The following ANXA8 variants were observed in gnomAD, a reference collection of about 807,000 sequenced individuals.
The protein encoded by ANXA8 is VAC-beta.
Under a neutral mutation model 26.8 loss-of-function variants are expected in ANXA8, and 9 were observed. The ratio of observed to expected loss-of-function variants is 0.34; its 90% confidence interval spans 0.20 to 0.59. The LOEUF (loss-of-function observed/expected upper bound fraction) is 0.59, where lower values mean the gene tolerates loss of function less well. Ranked by LOEUF, ANXA8 falls within the 20% of genes least tolerant of loss-of-function variation. The pLI, the probability that ANXA8 is intolerant of heterozygous loss-of-function variation, is 0.84. For synonymous variants in ANXA8, 39 were observed against 94.8 expected, an observed-to-expected ratio of 0.41 and a Z score of 3.42; for missense variants, 83 against 238.5, an observed-to-expected ratio of 0.35 and a Z score of 4.29.
the ANXA8 span, among the ~76,000 whole-genome samples, chr10:47,703,588 A>G: frequency 5.9e-5 from 9 of 151,336 alleles, no homozygotes; most frequent in Admixed American, 4.0e-4. Context: ...AAAAAATACA[A>G]AACACAAAAA....
the ANXA8 span, among the ~76,000 whole-genome samples, chr10:47,645,044 ATCTG>A: frequency 6.6e-6 from 1 of 151,810 alleles, no homozygotes; most frequent in African/African-American, 2.4e-5. Flanking sequence ...GGATCCTGAT[ATCTG>A]TCTTTCTTAA....
chr10:47,779,061 C>A, the ANXA8 span, among the ~76,000 whole-genome samples: 1 of 150,572 alleles, frequency 6.6e-6, no homozygotes, highest in African/African-American at 2.5e-5. Context: ...ATCAAGCTAT[C>A]AAATATGGAG....
At chr10:47,941,523 C>T in the ANXA8 span, among the ~76,000 whole-genome samples, 1 of 146,916 alleles carries the variant, frequency 6.8e-6, no homozygotes, top group Non-Finnish European at 1.5e-5. Context: ...GGCGTGGTGG[C>T]ATGTGCCTCG....
At chr10:47,551,343 T>C in the ANXA8 span, among the ~76,000 whole-genome samples, 1 of 150,850 alleles carries the variant, frequency 6.6e-6, no homozygotes, top group South Asian at 2.1e-4. Context: ...TTTAGTTGAA[T>C]AACGTTTAAA....
chr10:47,487,617 T>C (rs1840070658), upstream of ANXA8, among the ~76,000 whole-genome samples: 1 of 137,466 alleles, frequency 7.3e-6, no homozygotes, highest in Non-Finnish European at 1.6e-5. Flanking sequence ...AGACTGAGCA[T>C]CTACTCATGG....
chr10:47,672,899 C>T, the ANXA8 span, among the ~76,000 whole-genome samples: 2 of 151,438 alleles, frequency 1.3e-5, no homozygotes, highest in East Asian at 3.9e-4. Flanking sequence ...TTTCTAAAAA[C>T]CCATCGAAGA....
the ANXA8 span, among the ~76,000 whole-genome samples, chr10:47,660,742 A>G: frequency 7.2e-6 from 1 of 137,966 alleles, no homozygotes; most frequent in Non-Finnish European, 1.5e-5. Flanking sequence ...ACAGAAATTG[A>G]TGGGCTTGTT....
chr10:47,486,126 A>G (rs1462156393), upstream of ANXA8, among the ~76,000 whole-genome samples: 1 of 148,226 alleles, frequency 6.7e-6, no homozygotes, highest in Non-Finnish European at 1.5e-5. Flanking sequence ...AAAAAAATCA[A>G]CAGCAGCTTC....
the ANXA8 span, chr10:47,690,852 T>A: frequency 1.2e-6 from 2 of 1,611,382 alleles, no homozygotes; most frequent in African/African-American, 2.7e-5. Flanking sequence ...GCTGTACCTC[T>A]GAAGATAAAG....
At chr10:47,579,535 C>T in the ANXA8 span, among the ~76,000 whole-genome samples, 1 of 58,926 alleles carries the variant, frequency 1.7e-5, no homozygotes, top group African/African-American at 4.9e-5. Flanking sequence ...CACCTCCAGG[C>T]GGGAGCCACC....
At chr10:47,991,411 A>C in the ANXA8 span, among the ~76,000 whole-genome samples, 1 of 49,606 alleles carries the variant, frequency 2.0e-5, no homozygotes, top group Non-Finnish European at 4.0e-5. Context: ...CCTCCCCTGG[A>C]CTTTTCTCAA....
the ANXA8 span, among the ~76,000 whole-genome samples, chr10:47,755,483 C>T: frequency 6.6e-6 from 1 of 151,088 alleles, no homozygotes; most frequent in African/African-American, 2.4e-5. Flanking sequence ...TCTCGATCTC[C>T]TGACCTCGTG....
chr10:47,589,798 G>A, the ANXA8 span, among the ~76,000 whole-genome samples: 1 of 145,264 alleles, frequency 6.9e-6, no homozygotes, highest in Middle Eastern at 3.4e-3. Context: ...TTTTCAGATT[G>A]CAGGATCCTG....
chr10:47,614,586 T>C, the ANXA8 span, among the ~76,000 whole-genome samples: 4 of 65,266 alleles, frequency 6.1e-5, 2 homozygotes, highest in Non-Finnish European at 1.5e-4. Context: ...AGTTTGTGTA[T>C]GTTTCTTTCT....
chr10:47,501,324 G>GGT, the ANXA8 span, among the ~76,000 whole-genome samples: 1 of 143,992 alleles, frequency 6.9e-6, no homozygotes, highest in South Asian at 2.2e-4. Flanking sequence ...TAGGATTACA[G>GGT]GTGTGAGCCA....
the ANXA8 span, among the ~76,000 whole-genome samples, chr10:47,507,747 TTTACAAAAATA>T: frequency 8.4e-6 from 1 of 118,658 alleles, no homozygotes; most frequent in Non-Finnish European, 1.7e-5. Context: ...TTCTTTGTTT[TTTACAAAAATA>T]TGAGAACCAA....
At chr10:47,645,346 G>C in the ANXA8 span, among the ~76,000 whole-genome samples, 1 of 147,886 alleles carries the variant, frequency 6.8e-6, no homozygotes, top group East Asian at 2.0e-4. Context: ...GGAAGCTTAG[G>C]TAGTAACGTA....
At chr10:47,647,046 T>C in the ANXA8 span, among the ~76,000 whole-genome samples, 1 of 152,334 alleles carries the variant, frequency 6.6e-6, no homozygotes, top group East Asian at 1.9e-4. Flanking sequence ...GAATGCAAAG[T>C]TGGGAGGAGA....
At chr10:47,551,927 A>C in the ANXA8 span, 1 of 1,085,996 alleles carries the variant, frequency 9.2e-7, no homozygotes, top group Non-Finnish European at 1.2e-6. Flanking sequence ...CATAGTGGCT[A>C]TTTACCAATA....
Sources: allele counts gnomAD v4.1 joint callset (sites outside exome capture counted in the v4.1 genomes callset), GRCh38; gene constraint gnomAD v4.1.1; transcripts MANE v1.5; gene names NCBI Gene and HGNC (gene_info 2026-07-23, HGNC 2026-07-21).